Variants in PPARGC1A observed in about 807,000 individuals in gnomAD.
The protein encoded by PPARGC1A is peroxisome proliferator-activated receptor gamma coactivator 1-alpha.
PPARGC1A carries 25 observed loss-of-function variants against 88.7 expected under a neutral mutation model. The ratio of observed to expected loss-of-function variants is 0.28; its 90% CI spans 0.21 to 0.39. The LOEUF (loss-of-function observed/expected upper bound fraction) is 0.39, where lower values mean the gene tolerates loss of function less well. Ranked by LOEUF, PPARGC1A falls within the 10% of genes least tolerant of loss-of-function variation. The pLI, the probability that PPARGC1A is intolerant of heterozygous loss-of-function variation, is 1.00. For synonymous variants in PPARGC1A, 363 were observed against 355.6 expected (o/e 1.02, Z -0.24); for missense variants, 880 against 968.7 (o/e 0.91, Z 1.22).
At chr4:23,886,528 G>A (rs545652292) in intron 1 of PPARGC1A, among the ~76,000 whole-genome samples, 8 of 152,130 alleles carry the variant, frequency 5.3e-5, no homozygotes, top group Non-Finnish European at 1.0e-4. Flanking sequence ...GGAATGCAAA[G>A]AAAGGGCCCT....
the PPARGC1A span, among the ~76,000 whole-genome samples, chr4:24,152,732 A>G: frequency 6.6e-6 from 1 of 152,244 alleles, no homozygotes; most frequent in Non-Finnish European, 1.5e-5. Flanking sequence ...GATTCCAATC[A>G]CTGCAAAAAG....
chr4:23,903,313 G>A (rs1473494575), upstream of PPARGC1A, among the ~76,000 whole-genome samples: 2 of 152,132 alleles, frequency 1.3e-5, no homozygotes, highest in African/African-American at 2.4e-5. Flanking sequence ...GCCCAAGAAT[G>A]TAATTTACAC....
the PPARGC1A span, among the ~76,000 whole-genome samples, chr4:23,946,120 C>T: frequency 6.6e-6 from 1 of 152,276 alleles, no homozygotes; most frequent in South Asian, 2.1e-4. Flanking sequence ...GGGAATGAAT[C>T]TCACTTCATT....
At chr4:24,049,137 C>T in the PPARGC1A span, among the ~76,000 whole-genome samples, 19 of 149,786 alleles carry the variant, frequency 1.3e-4, no homozygotes, top group African/African-American at 3.2e-4. Flanking sequence ...CATGTGTGTG[C>T]GTATGTGTGT....
chr4:23,918,202 A>G, the PPARGC1A span, among the ~76,000 whole-genome samples: 1 of 151,352 alleles, frequency 6.6e-6, no homozygotes, highest in Non-Finnish European at 1.5e-5. Flanking sequence ...CCGACACAAC[A>G]AAAATAATTT....
the PPARGC1A span, among the ~76,000 whole-genome samples, chr4:24,247,286 C>T: frequency 1.3e-5 from 2 of 152,256 alleles, no homozygotes; most frequent in East Asian, 1.9e-4. Context: ...CTCATTGTAT[C>T]ATCTATGCTA....
the PPARGC1A span, among the ~76,000 whole-genome samples, chr4:23,976,383 T>G: frequency 6.6e-6 from 1 of 152,104 alleles, no homozygotes; most frequent in Admixed American, 6.5e-5. Flanking sequence ...GGGATGGGGG[T>G]GTTAACACCT....
intron 10 of PPARGC1A, among the ~76,000 whole-genome samples, chr4:23,802,892 A>G (rs987515680): frequency 1.3e-5 from 2 of 151,934 alleles, no homozygotes; most frequent in Non-Finnish European, 2.9e-5. Context: ...ACTCTTTTCT[A>G]CCTTTCCTAT....
chr4:23,889,417 T>A, intron 1 of PPARGC1A: 1 of 971,116 alleles, frequency 1.0e-6, no homozygotes, highest in Non-Finnish European at 1.2e-6. Flanking sequence ...TAGGATTTTG[T>A]AAGTTCTCTG....
the PPARGC1A span, among the ~76,000 whole-genome samples, chr4:24,087,310 A>G: frequency 2.0e-5 from 3 of 152,146 alleles, no homozygotes; most frequent in Admixed American, 1.3e-4. Flanking sequence ...CTTAGTTTTG[A>G]CAAACATTCA....
chr4:23,991,885 G>T, the PPARGC1A span, among the ~76,000 whole-genome samples: 1 of 152,078 alleles, frequency 6.6e-6, no homozygotes, highest in Non-Finnish European at 1.5e-5. Context: ...GAAAAAAATA[G>T]CAAGAAATCT....
chr4:24,259,840 A>AT, the PPARGC1A span, among the ~76,000 whole-genome samples: 2 of 152,114 alleles, frequency 1.3e-5, no homozygotes, highest in Non-Finnish European at 2.9e-5. Flanking sequence ...ATCATCATAG[A>AT]TTTTTTCCAC....
At chr4:23,863,872 C>G (rs6855423) in intron 2 of PPARGC1A, among the ~76,000 whole-genome samples, 119,825 of 152,076 alleles carry the variant, frequency 0.79, 47,617 homozygotes, top group African/African-American at 0.89. Flanking sequence ...TCAGCTTTCC[C>G]AGTAGCTGGG....
chr4:24,131,070 A>G, the PPARGC1A span, among the ~76,000 whole-genome samples: 1 of 152,208 alleles, frequency 6.6e-6, no homozygotes, highest in Non-Finnish European at 1.5e-5. Flanking sequence ...ACTTTACAGC[A>G]CTTCTTTACT....
the PPARGC1A span, among the ~76,000 whole-genome samples, chr4:24,168,216 G>A: frequency 2.6e-5 from 4 of 152,152 alleles, no homozygotes; most frequent in Non-Finnish European, 5.9e-5. Flanking sequence ...GTGGTGGTCT[G>A]AGACCGAATC....
At chr4:24,029,219 T>A in the PPARGC1A span, among the ~76,000 whole-genome samples, 1 of 152,222 alleles carries the variant, frequency 6.6e-6, no homozygotes, top group African/African-American at 2.4e-5. Context: ...TCATGATCTA[T>A]TGGGAGAAAC....
chr4:24,339,212 GTATA>G, the PPARGC1A span, among the ~76,000 whole-genome samples: 1,080 of 58,914 alleles, frequency 0.018, 8 homozygotes, highest in African/African-American at 0.033. Context: ...GTGTGTGTGT[GTATA>G]TATATATATA....
chr4:24,259,664 A>T, the PPARGC1A span, among the ~76,000 whole-genome samples: 2 of 152,226 alleles, frequency 1.3e-5, no homozygotes, highest in Admixed American at 1.3e-4. Flanking sequence ...AATAGTATAT[A>T]CAGGGAATTT....
intron 2 of PPARGC1A, among the ~76,000 whole-genome samples, chr4:23,873,518 T>C (rs532678184): frequency 8.8e-4 from 134 of 152,310 alleles, no homozygotes; most frequent in African/African-American, 3.0e-3. Context: ...CTGTGGAAAC[T>C]GGTCTCTGAG....
Sources: gnomAD v4.1 joint callset for allele counts (sites outside exome capture counted in the v4.1 genomes callset) on GRCh38, gnomAD v4.1.1 for gene constraint, MANE v1.5 for transcripts, NCBI Gene and HGNC (gene_info 2026-07-23, HGNC 2026-07-21) for gene names.